DERA: variants seen among roughly 807,000 people sequenced by gnomAD.
The protein encoded by DERA is 2-deoxy-D-ribose 5-phosphate aldolase.
Under a neutral mutation model 41.1 loss-of-function variants are expected in DERA, and 15 were observed. The observed-to-expected ratio is 0.37, with a 90% CI of 0.24 to 0.56. The LOEUF is 0.56. Among genes scored for constraint, DERA ranks in the 20% least tolerant of loss-of-function variants. The pLI, the probability that DERA is intolerant of heterozygous loss-of-function variation, is 0.81. For missense variants in DERA, 396 were observed against 403.4 expected, an observed-to-expected ratio of 0.98 and a Z score of 0.16; for synonymous variants, 139 against 137.4, an observed-to-expected ratio of 1.01 and a Z score of -0.08.
chr12:16,002,886 T>C (rs1267584986), intron 6 of DERA, among the ~76,000 whole-genome samples: 2 of 152,200 alleles, frequency 1.3e-5, no homozygotes, highest in African/African-American at 4.8e-5. Context: ...TGCCCCAGCT[T>C]TGTGCTGAAA....
At position 16,036,099 on chromosome 12, in the gene DERA, C is replaced by A; in HGVS notation, c.751-133C>A. 1.2e-6 allele frequency: 1 copy of A among 834,872 alleles called. No homozygotes were observed. Among genetic ancestry groups the A allele is most frequent in the Non-Finnish European group, 1.7e-6 (1 of 599,838 alleles). 51.7% of individuals were successfully genotyped at this position (834,872 alleles called of 1,614,324 possible). On this transcript the variant is annotated intron_variant, in intron 7 of 8. Transcript: ENST00000428559. The surrounding 1 kb of genome is among the most constrained non-coding windows in gnomAD (Gnocchi z 4.9). Reference sequence around the variant, plus strand: ...TGAGTCACTGATCTAAGCCCTTTCACTGGATGAAGTGAAAAGATTTTTTTT... The same window carrying A: ...TGAGTCACTGATCTAAGCCCTTTCAATGGATGAAGTGAAAAGATTTTTTTT...
In DERA at chr12:15,954,501, G is replaced by A. The variant is rs1948522873; in HGVS notation, c.32-2435G>A. 6.6e-6 allele frequency among the ~76,000 whole-genome samples: 1 copy of A among 152,216 alleles called. No individual in the cohort carries two copies. The highest frequency in any genetic ancestry group is 6.5e-5 in the Admixed American group (1 of 15,274). Reference sequence around the variant, plus strand: ...TGAATCGACTCTTAAAGGATGAGCAGCAGTTCACTGTTCGCAAAGCAGGGA... The same window carrying A: ...TGAATCGACTCTTAAAGGATGAGCAACAGTTCACTGTTCGCAAAGCAGGGA... On this transcript the variant is annotated intron_variant, in intron 1 of 8. Transcript: ENST00000428559. This position sits in a 1 kb window ranked among gnomAD's most constrained non-coding sequence, Gnocchi z 4.0.
intron 1 of DERA, among the ~76,000 whole-genome samples, chr12:15,951,693 C>T (rs1472916633): frequency 1.3e-5 from 2 of 152,094 alleles, no homozygotes; most frequent in Non-Finnish European, 2.9e-5. Context: ...GGAATATAAT[C>T]TTACCTCTGA....
chr12:15,967,868 A>C lies in DERA; in HGVS notation c.508+4921A>C, dbSNP rs1027014230. 6.6e-6 allele frequency among the ~76,000 whole-genome samples: 1 copy of C among 152,178 alleles called. No individual in the cohort carries two copies. Among genetic ancestry groups the C allele is most frequent in the Non-Finnish European group, 1.5e-5 (1 of 68,030 alleles). On this transcript the variant is annotated intron_variant, in intron 5 of 8. Coordinates refer to ENST00000428559, the MANE Select transcript of DERA (RefSeq NM_015954.4). This position sits in a 1 kb window ranked among gnomAD's most constrained non-coding sequence, Gnocchi z 4.9. ...ATGTATTGTAGGCTCTCAAAATTAC[A>C]ATACCTGACAAACATTTTCAAATGA...
Position 15,928,865 on chromosome 12 carries a change from A to T in DERA, c.31+17451A>T, listed in dbSNP as rs1463398996. On this transcript the variant is annotated intron_variant, in intron 1 of 8. Coordinates refer to ENST00000428559, the MANE Select transcript of DERA (RefSeq NM_015954.4). This position sits in a 1 kb window ranked among gnomAD's most constrained non-coding sequence, Gnocchi z 4.6. ...GGGGAGCCTTTTGGGTGTCCCTGAAATCTTGCCATTTTGACTTCTGTCCAT... is the reference window on the plus strand; with the variant it reads ...GGGGAGCCTTTTGGGTGTCCCTGAATTCTTGCCATTTTGACTTCTGTCCAT... Among the ~76,000 whole-genome samples the T allele has an allele frequency of 6.6e-6, 1 of 152,154 alleles. No individual in the cohort carries two copies. Among genetic ancestry groups the T allele is most frequent in the East Asian group, 1.9e-4 (1 of 5,194 alleles).
In DERA at chr12:15,981,872, A is replaced by AC. The variant is rs1565604236; in HGVS notation, c.509-436_509-435insC. Among the ~76,000 whole-genome samples, 8 of 152,360 alleles carry AC rather than the reference A, an allele frequency of 5.3e-5. No homozygotes were observed. In the South Asian group the frequency reaches 1.7e-3, roughly 32 times the overall value. ...AACTCTCAAGAAAGGTGTGCTTTAT[A>AC]TCCAACCAAAGAACCTATTACTTGT... On this transcript the variant is annotated intron_variant, in intron 5 of 8. Transcript: ENST00000428559. This position sits in a 1 kb window ranked among gnomAD's most constrained non-coding sequence, Gnocchi z 6.1.
In DERA at chr12:15,996,313, T is replaced by G. The variant is rs1262095685; in HGVS notation, c.637+13877T>G. Among the ~76,000 whole-genome samples, 1 of 152,062 alleles carries G rather than the reference T, an allele frequency of 6.6e-6. No individual in the cohort carries two copies. The highest frequency in any genetic ancestry group is 2.4e-5 in the African/African-American group (1 of 41,416). Reference sequence around the variant, plus strand: ...ACAGAGTACCGCAAATTAGATGGCCTTAAGCAACAGAAATGTGTTCTTAAG... The same window carrying G: ...ACAGAGTACCGCAAATTAGATGGCCGTAAGCAACAGAAATGTGTTCTTAAG... On this transcript the variant is annotated intron_variant, in intron 6 of 8. Transcript: ENST00000428559. The surrounding 1 kb of genome is among the most constrained non-coding windows in gnomAD (Gnocchi z 4.7).
chr12:15,933,249 C>T (rs1300823457), intron 1 of DERA, among the ~76,000 whole-genome samples: 1 of 152,092 alleles, frequency 6.6e-6, no homozygotes, highest in Non-Finnish European at 1.5e-5. Flanking sequence ...CTCTATATAC[C>T]ATTCTTCATA....
rs184946142 is a variant in DERA at position 16,014,711 on chromosome 12, C to T, written c.638-17831C>T. 6.6e-6 allele frequency among the ~76,000 whole-genome samples: 1 copy of T among 152,280 alleles called. No individual in the cohort carries two copies. The highest frequency in any genetic ancestry group is 6.5e-5 in the Admixed American group (1 of 15,296). On this transcript the variant is annotated intron_variant, in intron 6 of 8. Coordinates refer to ENST00000428559, the MANE Select transcript of DERA (RefSeq NM_015954.4). The surrounding 1 kb of genome is among the most constrained non-coding windows in gnomAD (Gnocchi z 5.4). The stretch of plus-strand genomic sequence containing the variant: ...AGTGGAGCTGTGAGAAGAGGGCAAC[C>T]GTCCTCCAGACCCCAGAATGGTAGA...
Position 16,004,878 on chromosome 12 carries a change from G to A in DERA, c.637+22442G>A, listed in dbSNP as rs1376797997. On this transcript the variant is annotated intron_variant, in intron 6 of 8. Coordinates refer to ENST00000428559, the MANE Select transcript of DERA (RefSeq NM_015954.4). This position sits in a 1 kb window ranked among gnomAD's most constrained non-coding sequence, Gnocchi z 4.2. The stretch of plus-strand genomic sequence containing the variant: ...GCATATGTGTGTTTCCTAGTTCAAG[G>A]AGTTAGAAAACTTTTGATAATTTAA... Among the ~76,000 whole-genome samples, 1 of 152,076 alleles carries A rather than the reference G, an allele frequency of 6.6e-6. No homozygotes were observed. The highest frequency in any genetic ancestry group is 1.5e-5 in the Non-Finnish European group (1 of 68,020).
At position 16,037,154 on chromosome 12, in the gene DERA, C is replaced by A. The variant is rs1949134814; in HGVS notation, c.*408C>A. Reference sequence around the variant, plus strand: ...GACTTCAGGAGTCACTGATTCAGCACTAATTTCCTGCTGTGAAAACTCATC... The same window carrying A: ...GACTTCAGGAGTCACTGATTCAGCAATAATTTCCTGCTGTGAAAACTCATC... On this transcript the variant is annotated 3_prime_UTR_variant, in exon 9 of 9. Coordinates refer to ENST00000428559, the MANE Select transcript of DERA (RefSeq NM_015954.4). This position sits in a 1 kb window ranked among gnomAD's most constrained non-coding sequence, Gnocchi z 6.7. 6.4e-6 allele frequency: 1 copy of A among 155,556 alleles called. No homozygotes were observed. The highest frequency in any genetic ancestry group is 6.5e-5 in the Admixed American group (1 of 15,368). The allele number at this position is 155,556 out of a possible 1,614,324, so 9.6% of individuals were successfully genotyped here.
In DERA at chr12:16,035,978, G is replaced by T. The variant is rs1225762938; in HGVS notation, c.751-254G>T. Reference sequence around the variant, plus strand: ...TTTATGACTTTCCAATAAGTGAAATGTTAATGAGGGTTATTAACCCTCACT... The same window carrying T: ...TTTATGACTTTCCAATAAGTGAAATTTTAATGAGGGTTATTAACCCTCACT... On this transcript the variant is annotated intron_variant, in intron 7 of 8. Transcript: ENST00000428559. This position sits in a 1 kb window ranked among gnomAD's most constrained non-coding sequence, Gnocchi z 4.1. Among the ~76,000 whole-genome samples the T allele has an allele frequency of 6.6e-6, 1 of 152,136 alleles. No homozygotes were observed. Among genetic ancestry groups the T allele is most frequent in the Non-Finnish European group, 1.5e-5 (1 of 68,028 alleles).
intron 6 of DERA, among the ~76,000 whole-genome samples, chr12:16,002,973 A>T (rs1403406627): frequency 6.6e-6 from 1 of 151,950 alleles, no homozygotes; most frequent in Admixed American, 6.6e-5. Context: ...TTTGAGACCC[A>T]CTCCTTATGC....
intron 5 of DERA, among the ~76,000 whole-genome samples, chr12:15,980,832 T>C (rs1264386187): frequency 2.6e-5 from 4 of 152,242 alleles, no homozygotes; most frequent in Non-Finnish European, 4.4e-5. Context: ...TCTTCATTTT[T>C]CACTTCTGAG....
At position 15,962,803 on chromosome 12, in the gene DERA, A is replaced by C; in HGVS notation, c.374-10A>C. ...CCCTCTTTCTTCATTTCCTTTCTTA[A>C]CTCTATTAGTGGCCGCTGGATTTCC... On this transcript the variant is annotated splice_polypyrimidine_tract_variant and intron_variant, in intron 4 of 8. Transcript: ENST00000428559. 1 of 1,517,852 alleles carries C rather than the reference A, an allele frequency of 6.6e-7. No individual in the cohort carries two copies. Among genetic ancestry groups the C allele is most frequent in the South Asian group, 1.3e-5 (1 of 78,194 alleles). 94.0% of individuals were successfully genotyped at this position (1,517,852 alleles called of 1,614,324 possible). A position where few individuals can be genotyped will look rare whatever the true frequency, so the allele number is the denominator to read the frequency against.
chr12:15,911,377 C>A lies in DERA; in HGVS notation c.-7C>A, dbSNP rs116822646. On this transcript the variant is annotated 5_prime_UTR_variant, in exon 1 of 9. Coordinates refer to ENST00000428559, the MANE Select transcript of DERA (RefSeq NM_015954.4). The surrounding 1 kb of genome is among the most constrained non-coding windows in gnomAD (Gnocchi z 4.5). ...TACCAGCCGGCAGCTCCGGAGCTGC[C>A]CGCGCCATGTCCGCGCACAATCGGG... The A allele has an allele frequency of 8.4e-5, 119 of 1,409,872 alleles. No homozygotes were observed. The highest frequency in any genetic ancestry group is 1.0e-4 in the Non-Finnish European group (112 of 1,095,082). 87.3% of individuals were successfully genotyped at this position (1,409,872 alleles called of 1,614,324 possible). A position where few individuals can be genotyped will look rare whatever the true frequency, so the allele number is the denominator to read the frequency against.
rs1948958458 is a variant in DERA, at chr12:16,013,232, A to C, written c.638-19310A>C. On this transcript the variant is annotated intron_variant, in intron 6 of 8. Transcript: ENST00000428559. This position sits in a 1 kb window ranked among gnomAD's most constrained non-coding sequence, Gnocchi z 5.8. ...TTTCTTCAGTAGTAATGCTTAGTTT[A>C]ATGTGTGACTGCACATGCTGTTCAT... is the stretch of plus-strand genomic sequence containing the variant. Among the ~76,000 whole-genome samples, 1 of 152,220 alleles carries C rather than the reference A, an allele frequency of 6.6e-6. No homozygotes were observed. The highest frequency in any genetic ancestry group is 1.5e-5 in the Non-Finnish European group (1 of 68,028).
At chr12:15,978,873 G>A (rs994796001) in intron 5 of DERA, among the ~76,000 whole-genome samples, 3 of 152,190 alleles carry the variant, frequency 2.0e-5, no homozygotes, top group African/African-American at 4.8e-5. Context: ...CATGAACAAT[G>A]TGCTGGATAT....
At position 15,922,165 on chromosome 12, in the gene DERA, G is replaced by A. The variant is rs950717723; in HGVS notation, c.31+10751G>A. ...AACTTAGGAGCCCTGCCCTTGAGAA[G>A]CTTACCTTCATCAAATTTTAAAATA... On this transcript the variant is annotated intron_variant, in intron 1 of 8. Transcript: ENST00000428559. This position sits in a 1 kb window ranked among gnomAD's most constrained non-coding sequence, Gnocchi z 4.9. 6.6e-6 allele frequency among the ~76,000 whole-genome samples: 1 copy of A among 152,100 alleles called. No homozygotes were observed. Among genetic ancestry groups the A allele is most frequent in the African/African-American group, 2.4e-5 (1 of 41,422 alleles).
Sources: gnomAD v4.1 joint callset for allele counts (sites outside exome capture counted in the v4.1 genomes callset) on GRCh38, gnomAD v4.1.1 for gene constraint, Gnocchi (gnomAD v3.1) non-coding constraint, MANE v1.5 for transcripts, NCBI Gene and HGNC (gene_info 2026-07-23, HGNC 2026-07-21) for gene names.